Variants in CPPED1 observed in about 807,000 individuals in gnomAD.
The protein encoded by CPPED1 is serine/threonine-protein phosphatase CPPED1.
CPPED1 carries 28 observed loss-of-function variants against 28.0 expected under a neutral mutation model. That is an observed-to-expected ratio of 1.00 (90% CI 0.74 to 1.37). CPPED1 has a LOEUF of 1.37. Ranked by LOEUF, CPPED1 falls within the 40% of genes most tolerant of loss-of-function variation. The pLI is 0.00. For missense variants in CPPED1, 504 were observed against 416.5 expected, an observed-to-expected ratio of 1.21 and a Z score of -1.83; for synonymous variants, 198 against 180.2, an observed-to-expected ratio of 1.10 and a Z score of -0.79.
chr16:12,715,810 G>A (rs956372024), intron 2 of CPPED1, among the ~76,000 whole-genome samples: 1 of 152,232 alleles, frequency 6.6e-6, no homozygotes, highest in Non-Finnish European at 1.5e-5. Flanking sequence ...TTACAGGCAT[G>A]AGCCACCACT....
In CPPED1 at chr16:12,662,149, A is replaced by C. The variant is rs1028021143; in HGVS notation, c.*2737T>G. On this transcript the variant is annotated 3_prime_UTR_variant, in exon 4 of 4. Coordinates refer to ENST00000381774, the MANE Select transcript of CPPED1 (RefSeq NM_018340.3). ...AACATTCAAAACCATAGCACTTAGA[A>C]TCAGGAAGTCCTTTTATCGTTTTTC... The C allele has an allele frequency of 6.6e-6, 1 of 152,206 alleles. No homozygotes were observed. Among genetic ancestry groups the C allele is most frequent in the African/African-American group, 2.4e-5 (1 of 41,456 alleles). The allele number at this position is 152,206 out of a possible 1,614,324, so 9.4% of individuals were successfully genotyped here.
intron 2 of CPPED1, among the ~76,000 whole-genome samples, chr16:12,740,754 A>T (rs2080251073): frequency 6.6e-6 from 1 of 152,232 alleles, no homozygotes; most frequent in South Asian, 2.1e-4. Context: ...AATCCCTAGC[A>T]GAGTGAACAG....
At chr16:12,777,790 T>C (rs931109694) in intron 2 of CPPED1, among the ~76,000 whole-genome samples, 14 of 151,544 alleles carry the variant, frequency 9.2e-5, no homozygotes, top group African/African-American at 3.1e-4. Flanking sequence ...AATTGGCACT[T>C]AGTTTGCACA....
intron 3 of CPPED1, among the ~76,000 whole-genome samples, chr16:12,683,288 G>T (rs1000196704): frequency 6.6e-6 from 1 of 152,098 alleles, no homozygotes; most frequent in African/African-American, 2.4e-5. Flanking sequence ...TGGGCTTCGA[G>T]GCACTTCCTC....
intron 2 of CPPED1, among the ~76,000 whole-genome samples, chr16:12,713,451 T>C (rs1364579438): frequency 1.3e-5 from 2 of 152,130 alleles, no homozygotes; most frequent in Non-Finnish European, 2.9e-5. Context: ...CTGCAATCTC[T>C]GCCTCCTGGG....
chr16:12,674,163 C>A (rs1033275398), intron 3 of CPPED1, among the ~76,000 whole-genome samples: 1 of 152,168 alleles, frequency 6.6e-6, no homozygotes, highest in African/African-American at 2.4e-5. Context: ...CAATGAGGAA[C>A]TTGGCCTTCT....
chr16:12,742,923 C>G (rs904744971), intron 2 of CPPED1, among the ~76,000 whole-genome samples: 8 of 152,178 alleles, frequency 5.3e-5, no homozygotes, highest in African/African-American at 1.7e-4. Flanking sequence ...AGTTTCCTCT[C>G]CCAGTGCAGT....
rs564536492 is a variant in CPPED1, at chr16:12,717,910, G to A, written c.290-12861C>T. ...GCTCACCTCCGCCTCTCAAAGTGCT[G>A]TGATTACAGGCGTGAGCCACTGCAC... On this transcript the variant is annotated intron_variant, in intron 2 of 3. Coordinates refer to ENST00000381774, the MANE Select transcript of CPPED1 (RefSeq NM_018340.3). Among the ~76,000 whole-genome samples, 9 of 151,622 alleles carry A rather than the reference G, an allele frequency of 5.9e-5. No homozygotes were observed. The South Asian group carries it at 1.3e-3, about 21-fold the overall frequency.
intron 2 of CPPED1, among the ~76,000 whole-genome samples, chr16:12,777,739 T>A (rs774103931): frequency 6.6e-6 from 1 of 152,102 alleles, no homozygotes; most frequent in Non-Finnish European, 1.5e-5. Flanking sequence ...AAAGACCTGG[T>A]CTCTTGTCTC....
chr16:12,717,674 T>C (rs1385621371), intron 2 of CPPED1, among the ~76,000 whole-genome samples: 1 of 152,146 alleles, frequency 6.6e-6, no homozygotes, highest in Non-Finnish European at 1.5e-5. Context: ...AGAGTCTCGC[T>C]CTGTTGCACA....
At chr16:12,785,228 A>G (rs1183920784) in intron 1 of CPPED1, among the ~76,000 whole-genome samples, 2 of 152,152 alleles carry the variant, frequency 1.3e-5, no homozygotes, top group Non-Finnish European at 2.9e-5. Context: ...GCAGCTTTTT[A>G]CATTATGAAA....
rs998456377 is a variant in CPPED1, at chr16:12,803,805, A to C, written c.-29T>G. The C allele has an allele frequency of 1.3e-6, 2 of 1,588,590 alleles. No individual in the cohort carries two copies. Among genetic ancestry groups the C allele is most frequent in the Non-Finnish European group, 1.7e-6 (2 of 1,168,478 alleles). ...GAGCGAGTTTCTGGCCTTCACTTAG[A>C]ACACTGCGTGGGTGGAAGCCGCGCG... On this transcript the variant is annotated 5_prime_UTR_variant, in exon 1 of 4. Transcript: ENST00000381774.
At position 12,664,220 on chromosome 16, in the gene CPPED1, C is replaced by A. The variant is rs1021291495; in HGVS notation, c.*666G>T. Reference sequence around the variant, plus strand: ...TCTTGGAGGAGATTTTCAGAAATGGCCAATTTATGTGCAAAGGTGACTTTT... The same window carrying A: ...TCTTGGAGGAGATTTTCAGAAATGGACAATTTATGTGCAAAGGTGACTTTT... On this transcript the variant is annotated 3_prime_UTR_variant, in exon 4 of 4. Transcript: ENST00000381774. This position sits in a 1 kb window ranked among gnomAD's most constrained non-coding sequence, Gnocchi z 4.2. 13 of 281,502 alleles carry A rather than the reference C, an allele frequency of 4.6e-5. No homozygotes were observed. Among genetic ancestry groups the A allele is most frequent in the African/African-American group, 3.0e-4 (13 of 43,726 alleles). The allele number at this position is 281,502 out of a possible 1,614,324, so 17.4% of individuals were successfully genotyped here. A position where few individuals can be genotyped will look rare whatever the true frequency, so the allele number is the denominator to read the frequency against.
chr16:12,774,128 G>C (rs143047722), intron 2 of CPPED1, among the ~76,000 whole-genome samples: 230 of 152,300 alleles, frequency 1.5e-3, no homozygotes, highest in Non-Finnish European at 7.6e-4. Context: ...GGACCAGAAA[G>C]TGAGTCCGCC....
intron 2 of CPPED1, among the ~76,000 whole-genome samples, chr16:12,776,293 C>T (rs1289905930): frequency 6.6e-6 from 1 of 152,190 alleles, no homozygotes; most frequent in Non-Finnish European, 1.5e-5. Flanking sequence ...GCTGCAGGTT[C>T]TTGTTGGACT....
intron 3 of CPPED1, among the ~76,000 whole-genome samples, chr16:12,696,662 C>T (rs1320847839): frequency 6.6e-5 from 10 of 152,004 alleles, no homozygotes; most frequent in South Asian, 2.1e-4. Context: ...AGGCTGGTCT[C>T]GAACTCCTGA....
At chr16:12,711,509 T>C (rs919022624) in intron 2 of CPPED1, among the ~76,000 whole-genome samples, 25 of 152,184 alleles carry the variant, frequency 1.6e-4, no homozygotes, top group Non-Finnish European at 3.4e-4. Flanking sequence ...TATTCTGCCA[T>C]GCTAAAAGAA....
At chr16:12,723,503 A>G (rs2080153264) in intron 2 of CPPED1, among the ~76,000 whole-genome samples, 1 of 152,178 alleles carries the variant, frequency 6.6e-6, no homozygotes, top group South Asian at 2.1e-4. Flanking sequence ...AGCTGCAGAG[A>G]GGAAGACCAT....
intron 1 of CPPED1, among the ~76,000 whole-genome samples, chr16:12,796,943 G>A (rs568448805): frequency 6.6e-6 from 1 of 152,310 alleles, no homozygotes; most frequent in South Asian, 2.1e-4. Flanking sequence ...CAAAGTATTG[G>A]TTCAAGCTAC....
Sources: gnomAD v4.1 joint callset for allele counts (sites outside exome capture counted in the v4.1 genomes callset) on GRCh38, gnomAD v4.1.1 for gene constraint, Gnocchi (gnomAD v3.1) non-coding constraint, MANE v1.5 for transcripts, NCBI Gene and HGNC (gene_info 2026-07-23, HGNC 2026-07-21) for gene names.